SEC14L1: variants seen among roughly 807,000 people sequenced by gnomAD.
SEC14L1 encodes the protein SEC14 like lipid binding 1, also known as SEC14-like protein 1.
Under a neutral mutation model 85.3 loss-of-function variants are expected in SEC14L1, and 48 were observed. That is an observed-to-expected ratio of 0.56 (90% CI 0.45 to 0.72). The LOEUF is 0.72. Ranked by LOEUF, SEC14L1 falls within the 30% of genes least tolerant of loss-of-function variation. The pLI is 0.00. For missense variants in SEC14L1, 682 were observed against 921.4 expected, an observed-to-expected ratio of 0.74 and a Z score of 3.36; for synonymous variants, 391 against 355.5, an observed-to-expected ratio of 1.10 and a Z score of -1.12.
intron 5 of SEC14L1, among the ~76,000 whole-genome samples, chr17:77,192,479 T>C (rs903740901): frequency 3.3e-5 from 5 of 152,204 alleles, no homozygotes; most frequent in Admixed American, 3.3e-4. Context: ...GGTTACGCCT[T>C]TCCTGTCCTT....
At chr17:77,194,610 T>C (rs1975708150) in intron 6 of SEC14L1, 67 bp from the exon 7 acceptor site, 1 of 1,295,396 alleles carries the variant, frequency 7.7e-7, no homozygotes. Flanking sequence ...AAAAGAAAAA[T>C]CTTGGGAGAG....
chr17:77,181,455 C>T (rs1450329164), intron 3 of SEC14L1, among the ~76,000 whole-genome samples: 1 of 152,248 alleles, frequency 6.6e-6, no homozygotes, highest in Admixed American at 6.5e-5. Context: ...TCTTGTTGTG[C>T]AGGCTGGAGT....
Position 77,215,388 on chromosome 17 carries a change from C to T in SEC14L1, c.*1365C>T. 1.0e-6 allele frequency: 1 copy of T among 985,404 alleles called. No individual in the cohort carries two copies. Among genetic ancestry groups the T allele is most frequent in the Non-Finnish European group, 1.2e-6 (1 of 829,948 alleles). The allele number at this position is 985,404 out of a possible 1,614,324, so 61.0% of individuals were successfully genotyped here. A position where few individuals can be genotyped will look rare whatever the true frequency, so the allele number is the denominator to read the frequency against. ...TGCAGCAGAGGCCGTGTTTTTCATG[C>T]CAAACCCCACGCGGCTGTCAACTGT... On this transcript the variant is annotated 3_prime_UTR_variant, in exon 17 of 17. Coordinates refer to ENST00000436233, the MANE Select transcript of SEC14L1 (RefSeq NM_001143998.2).
At chr17:77,101,458 A>G (rs573634798) in intron 3 of SEC14L1, among the ~76,000 whole-genome samples, 21 of 152,312 alleles carry the variant, frequency 1.4e-4, no homozygotes, top group African/African-American at 5.1e-4. Context: ...GATTACAGGC[A>G]TGAGCCACTG....
Position 77,129,297 on chromosome 17 carries a change from T to G in SEC14L1, c.-135-13349T>G, listed in dbSNP as rs572173834. On this transcript the variant is annotated intron_variant, in intron 3 of 19. Transcript: ENST00000392476. ...CATCAGCATCCAATTAGTATTTTTG[T>G]TTTTTTTTCCTTTGGAGGAGGAAAA... 8.7e-5 allele frequency among the ~76,000 whole-genome samples: 13 copies of G among 148,902 alleles called. No individual in the cohort carries two copies. The South Asian group carries it at 1.5e-3, about 17-fold the overall frequency.
intron 3 of SEC14L1, among the ~76,000 whole-genome samples, chr17:77,099,692 G>T (rs1971722844): frequency 6.6e-6 from 1 of 152,104 alleles, no homozygotes; most frequent in Non-Finnish European, 1.5e-5. Flanking sequence ...GGAGGTGGAG[G>T]TTGCAGTGAG....
rs759083704 is a variant in SEC14L1, at chr17:77,206,664, C to T, written c.1342-64C>T. On this transcript the variant is annotated intron_variant, in intron 12 of 16. Transcript: ENST00000436233. This position sits in a 1 kb window ranked among gnomAD's most constrained non-coding sequence, Gnocchi z 4.3. ...CCTCCCACTCAGAATACCACATTGTCATTTTAATCTTGGACACTCAGGCAG... is the reference window on the plus strand; with the variant it reads ...CCTCCCACTCAGAATACCACATTGTTATTTTAATCTTGGACACTCAGGCAG... 1.9e-5 allele frequency: 30 copies of T among 1,542,378 alleles called. No individual in the cohort carries two copies. Among genetic ancestry groups the T allele is most frequent in the African/African-American group, 6.9e-5 (5 of 72,466 alleles).
intron 3 of SEC14L1, among the ~76,000 whole-genome samples, chr17:77,172,853 C>T (rs1157880609): frequency 6.6e-6 from 1 of 152,162 alleles, no homozygotes; most frequent in Admixed American, 6.5e-5. Context: ...TATCAGTTCT[C>T]CAAGGTCTTG....
intron 8 of SEC14L1, among the ~76,000 whole-genome samples, chr17:77,197,218 C>G (rs631730): frequency 0.31 from 46,634 of 152,082 alleles, 7,563 homozygotes; most frequent in South Asian, 0.39. Flanking sequence ...ATGAATAGCT[C>G]ATGTTCCCAC....
chr17:77,211,509 G>A (rs1015122380), intron 14 of SEC14L1: 1 of 173,862 alleles, frequency 5.8e-6, no homozygotes, highest in Non-Finnish European at 1.2e-5. Context: ...CCGGTTCCAT[G>A]CCCCTGCTTC....
rs1224240025 is a variant in SEC14L1 at position 77,142,770 on chromosome 17, C to G, written c.-31+20C>G. On this transcript the variant is annotated intron_variant, in intron 2 of 16. Transcript: ENST00000436233. ...AGACAGGTAGGCTCATTCGATTTTT[C>G]TTTCTCACTTTAAATAGGGGAGACA... The G allele has an allele frequency of 1.3e-5, 2 of 152,148 alleles. No homozygotes were observed. Among genetic ancestry groups the G allele is most frequent in the Non-Finnish European group, 2.9e-5 (2 of 68,038 alleles). 9.4% of individuals were successfully genotyped at this position (152,148 alleles called of 1,614,324 possible). A position where few individuals can be genotyped will look rare whatever the true frequency, so the allele number is the denominator to read the frequency against.
chr17:77,110,111 T>C (rs1234899022), intron 3 of SEC14L1, among the ~76,000 whole-genome samples: 4 of 152,334 alleles, frequency 2.6e-5, no homozygotes, highest in South Asian at 2.1e-4. Flanking sequence ...CCGGTTTTCA[T>C]TGAGGAACAT....
chr17:77,212,935 G>T (rs1253971443), intron 15 of SEC14L1, among the ~76,000 whole-genome samples: 1 of 152,360 alleles, frequency 6.6e-6, no homozygotes, highest in East Asian at 1.9e-4. Flanking sequence ...CGAACATGCT[G>T]GATGATTGGC....
chr17:77,153,901 T>C (rs1249066876), intron 3 of SEC14L1, among the ~76,000 whole-genome samples: 1 of 152,220 alleles, frequency 6.6e-6, no homozygotes, highest in East Asian at 1.9e-4. Flanking sequence ...GACACTTTTA[T>C]ATAGTTCTAG....
At chr17:77,116,260 T>G (rs1972170200) in intron 3 of SEC14L1, among the ~76,000 whole-genome samples, 2 of 152,164 alleles carry the variant, frequency 1.3e-5, no homozygotes, top group African/African-American at 4.8e-5. Context: ...TCACATTGAT[T>G]TAAACGTTTT....
In SEC14L1 at chr17:77,203,636, G is replaced by A. The variant is rs1976297380; in HGVS notation, c.1076G>A (p.Gly359Glu). Residue 359 changes from glycine to glutamate, a missense_variant, in exon 10 of 17, where the codon GGG becomes GAG. Gly to Glu is a moderately conservative substitution (Grantham distance 98, BLOSUM62 -2). Around this residue, in one of 3 missense-constraint regions of SEC14L1, gnomAD observed 420 missense variants for 619.5 expected, o/e 0.68. Coordinates refer to ENST00000436233, the MANE Select transcript of SEC14L1 (RefSeq NM_001143998.2). ...MDTKGLVRAL[G>E]EEALLRYVLS... ...ACCAAAGGCTTGGTGAGAGCGCTCG[G>A]GGAGGAAGCCCTGCTGAGATACGTA... 1 of 1,613,566 alleles carries A rather than the reference G, an allele frequency of 6.2e-7. No individual in the cohort carries two copies. The highest frequency in any genetic ancestry group is 1.3e-5 in the African/African-American group (1 of 74,932).
chr17:77,198,297 T>C (rs1975916662), intron 8 of SEC14L1, among the ~76,000 whole-genome samples: 1 of 152,214 alleles, frequency 6.6e-6, no homozygotes, highest in Admixed American at 6.5e-5. Context: ...AGTATTTAAA[T>C]AGAGTCATAT....
chr17:77,088,685 A>T (rs779705443), upstream of SEC14L1: 1 of 152,168 alleles, frequency 6.6e-6, no homozygotes, highest in Non-Finnish European at 1.5e-5. Flanking sequence ...AGTGGGAAGT[A>T]AGTGGAGACA....
At chr17:77,156,243 T>C (rs1332126560) in intron 3 of SEC14L1, among the ~76,000 whole-genome samples, 1 of 152,134 alleles carries the variant, frequency 6.6e-6, no homozygotes, top group Non-Finnish European at 1.5e-5. Context: ...CAACTGCCAG[T>C]GTTCCCAGGG....
Sources: gnomAD v4.1 joint callset for allele counts (sites outside exome capture counted in the v4.1 genomes callset) on GRCh38, gnomAD v4.1.1 for gene constraint, gnomAD v4.1.1 regional missense constraint, Gnocchi (gnomAD v3.1) non-coding constraint, MANE v1.5 for transcripts, NCBI Gene and HGNC (gene_info 2026-07-23, HGNC 2026-07-21) for gene names.